Variants in NEK11 observed in about 807,000 individuals in gnomAD.
NEK11 encodes NIMA related kinase 11, also known as serine/threonine-protein kinase Nek11.
A neutral mutation model predicts 80.7 loss-of-function variants in NEK11; 72 were observed. The ratio of observed to expected loss-of-function variants is 0.89; its 90% CI spans 0.74 to 1.08. NEK11 has a LOEUF of 1.08. Among genes scored for constraint, NEK11 ranks in the 50% least tolerant of loss-of-function variants. The pLI is 0.00. For missense variants in NEK11, 764 were observed against 763.6 expected (o/e 1.00, Z -0.01); for synonymous variants, 251 against 260.7 (o/e 0.96, Z 0.36).
chr3:131,096,842 G>C (rs367987182), intron 4 of NEK11, among the ~76,000 whole-genome samples: 2 of 149,740 alleles, frequency 1.3e-5, no homozygotes, highest in Non-Finnish European at 3.0e-5. Flanking sequence ...CCATTAACTC[G>C]TCATTTAGCA....
chr3:131,225,029 T>C (rs1405466218), intron 14 of NEK11, among the ~76,000 whole-genome samples: 1 of 152,196 alleles, frequency 6.6e-6, no homozygotes, highest in Non-Finnish European at 1.5e-5. Context: ...CCAGTGTTTA[T>C]AAGTCTGTAG....
intron 3 of NEK11, among the ~76,000 whole-genome samples, chr3:131,030,774 G>C (rs184550430): frequency 1.3e-5 from 2 of 152,158 alleles, no homozygotes; most frequent in Non-Finnish European, 2.9e-5. Flanking sequence ...TTTCATAGTA[G>C]AGAAAAACTC....
At position 131,152,436 on chromosome 3, in the gene NEK11, C is replaced by T. The variant is rs759501857; in HGVS notation, c.696C>T (p.Phe232=). ...AGATGTGCTGCATGAATCATGCATT[C>T]GCTGGCTCCAATTTCTTATCCATTG... The part of the protein sequence containing the change: ...LYEMCCMNHA[F]AGSNFLSIVL... Residue 232 remains phenylalanine (F), a synonymous_variant, in exon 8 of 18, where the codon TTC becomes TTT. Transcript: ENST00000383366. 2.0e-5 allele frequency: 33 copies of T among 1,613,438 alleles called. No individual in the cohort carries two copies. The highest frequency in any genetic ancestry group is 2.7e-5 in the Non-Finnish European group (32 of 1,179,616).
intron 10 of NEK11, among the ~76,000 whole-genome samples, chr3:131,160,718 A>T (rs1206974856): frequency 6.6e-6 from 1 of 152,222 alleles, no homozygotes; most frequent in Non-Finnish European, 1.5e-5. Context: ...GCTCAAAGTG[A>T]AGGATGGAGA....
chr3:131,058,376 T>C (rs1307419222), intron 3 of NEK11, among the ~76,000 whole-genome samples: 2 of 152,154 alleles, frequency 1.3e-5, no homozygotes, highest in Non-Finnish European at 2.9e-5. Context: ...ATGCGGGCTC[T>C]TTTTTGGTTC....
chr3:131,136,708 A>G (rs1277797635), intron 7 of NEK11, among the ~76,000 whole-genome samples: 1 of 152,180 alleles, frequency 6.6e-6, no homozygotes, highest in Non-Finnish European at 1.5e-5. Flanking sequence ...TTAGGTTCCA[A>G]AAGTTTATAA....
Position 131,245,102 on chromosome 3 carries a change from C to A in NEK11, c.1621+1606C>A, listed in dbSNP as rs187199995. Among the ~76,000 whole-genome samples the A allele has an allele frequency of 3.9e-5, 6 of 152,128 alleles. No individual in the cohort carries two copies. In the East Asian group the frequency reaches 1.2e-3, roughly 30 times the overall value. ...CTCACCTCTCTCCCAACTTCCCACT[C>A]TTCTGAGTCTCCAACGTCCGTTACT... On this transcript the variant is annotated intron_variant, in intron 16 of 17. Coordinates refer to ENST00000383366, the MANE Select transcript of NEK11 (RefSeq NM_024800.5).
At chr3:131,115,234 C>T (rs2080821349) in intron 5 of NEK11, among the ~76,000 whole-genome samples, 1 of 152,180 alleles carries the variant, frequency 6.6e-6, no homozygotes, top group South Asian at 2.1e-4. Context: ...TACCCTCAGA[C>T]TGGGATTTAC....
Position 131,048,758 on chromosome 3 carries a change from C to T in NEK11, c.170+18880C>T, listed in dbSNP as rs181774456. The stretch of plus-strand genomic sequence containing the variant: ...AAAGTTCTCTGTATGAGTCTTCACA[C>T]GCTGCTCTGTCTGTCTGAGTGGGAG... On this transcript the variant is annotated intron_variant, in intron 3 of 17. Transcript: ENST00000383366. Among the ~76,000 whole-genome samples the T allele has an allele frequency of 1.6e-4, 25 of 152,310 alleles. 1 individual carries two copies. The highest frequency in any genetic ancestry group is 1.3e-3 in the East Asian group (7 of 5,192).
chr3:131,066,527 T>C (rs1479499056), intron 3 of NEK11, among the ~76,000 whole-genome samples: 3 of 152,046 alleles, frequency 2.0e-5, no homozygotes, highest in Admixed American at 1.3e-4. Flanking sequence ...GATAGTTAGA[T>C]GCCCGGGATT....
At chr3:131,066,852 A>AAG (rs1340511417) in intron 3 of NEK11, among the ~76,000 whole-genome samples, 3 of 151,500 alleles carry the variant, frequency 2.0e-5, no homozygotes, top group Non-Finnish European at 2.9e-5. Context: ...AAAAAAAAAA[A>AAG]AAAAAAGAAA....
chr3:131,335,482 C>A (rs957016826), intron 17 of NEK11, among the ~76,000 whole-genome samples: 19 of 152,140 alleles, frequency 1.2e-4, no homozygotes, highest in Non-Finnish European at 4.4e-5. Flanking sequence ...ATAATAAGAG[C>A]TATCTATGAC....
chr3:131,301,817 G>A (rs1307293446), intron 17 of NEK11, among the ~76,000 whole-genome samples: 1 of 150,794 alleles, frequency 6.6e-6, no homozygotes, highest in East Asian at 2.0e-4. Context: ...ATGTTCATCA[G>A]GGTATTGTTG....
intron 14 of NEK11, chr3:131,174,720 A>G: frequency 6.3e-7 from 1 of 1,583,226 alleles, no homozygotes; most frequent in Non-Finnish European, 8.6e-7. Flanking sequence ...AATTTTTGCC[A>G]GGAACTTCTT....
intron 3 of NEK11, among the ~76,000 whole-genome samples, chr3:131,032,191 A>G (rs2064967015): frequency 6.6e-6 from 1 of 152,084 alleles, no homozygotes; most frequent in Admixed American, 6.5e-5. Context: ...TGAACTCCTG[A>G]CCTCAGGTGA....
rs2096847960 is a variant in NEK11, at chr3:131,317,060, T to TAAAA, written c.1719-32496_1719-32495insAAAA. Reference sequence around the variant, plus strand: ...TCAAACTATTTTAATGCTGGGCCTTTAGGCAATAATTTCCTTTTTGTTCAT... The same window carrying TAAAA: ...TCAAACTATTTTAATGCTGGGCCTTTAAAAAGGCAATAATTTCCTTTTTGTTCAT... On this transcript the variant is annotated intron_variant, in intron 17 of 17. Transcript: ENST00000383366. Among the ~76,000 whole-genome samples, 4 of 152,336 alleles carry TAAAA rather than the reference T, an allele frequency of 2.6e-5. No individual in the cohort carries two copies. In the South Asian group the frequency reaches 8.3e-4, roughly 32 times the overall value.
At chr3:131,072,622 A>G (rs2073600058) in intron 3 of NEK11, among the ~76,000 whole-genome samples, 1 of 152,174 alleles carries the variant, frequency 6.6e-6, no homozygotes, top group Non-Finnish European at 1.5e-5. Flanking sequence ...GAGGAGCTGT[A>G]TATGATTTTA....
At chr3:131,191,349 T>G (rs1454197838) in intron 14 of NEK11, among the ~76,000 whole-genome samples, 1 of 152,140 alleles carries the variant, frequency 6.6e-6, no homozygotes, top group Non-Finnish European at 1.5e-5. Context: ...GACCTTGCTG[T>G]TTCCAGCTCA....
At position 131,309,385 on chromosome 3, in the gene NEK11, C is replaced by A. The variant is rs556667811; in HGVS notation, c.1718+35811C>A. The stretch of plus-strand genomic sequence containing the variant: ...TATTTGGATTGTTAAAAAAAGTAAT[C>A]ATTGGCATAGAGTCATTTCCTAGTT... On this transcript the variant is annotated intron_variant, in intron 17 of 17. Transcript: ENST00000383366. Among the ~76,000 whole-genome samples the A allele has an allele frequency of 2.6e-5, 4 of 152,278 alleles. No individual in the cohort carries two copies. The East Asian group carries it at 5.8e-4, about 22-fold the overall frequency.
Sources: gnomAD v4.1 joint callset for allele counts (sites outside exome capture counted in the v4.1 genomes callset) on GRCh38, gnomAD v4.1.1 for gene constraint, MANE v1.5 for transcripts, NCBI Gene and HGNC (gene_info 2026-07-23, HGNC 2026-07-21) for gene names.